ENOX2: variants seen among roughly 807,000 people sequenced by gnomAD.
ENOX2 encodes APK1 antigen.
In ENOX2, 36 loss-of-function variants were observed where a neutral mutation model predicts 45.0. The observed-to-expected ratio is 0.80, with a 90% confidence interval of 0.61 to 1.06. ENOX2 has a LOEUF of 1.06. Ranked by LOEUF, ENOX2 falls within the 50% of genes least tolerant of loss-of-function variation. The probability of loss-of-function intolerance (pLI) is 0.00; values close to 1 mark genes in which losing one functional copy is unlikely to be tolerated. For synonymous variants in ENOX2, 174 were observed against 152.3 expected (o/e 1.14, Z -1.05); for missense variants, 423 against 462.5 (o/e 0.91, Z 0.78).
intron 9 of ENOX2, among the ~76,000 whole-genome samples, chrX:130,662,103 A>C (rs1348705251): frequency 8.9e-6 from 1 of 111,940 alleles, no homozygotes; most frequent in Non-Finnish European, 1.9e-5. Flanking sequence ...ACTGCCAGTA[A>C]AGTCACTATA....
intron 6 of ENOX2, 34 bp from the exon 7 acceptor site, chrX:130,670,232 G>C (rs1167421605): frequency 9.9e-7 from 1 of 1,011,034 alleles, no homozygotes; most frequent in Non-Finnish European, 1.4e-6. Context: ...GGAGAGGAGA[G>C]AGGGAGAGAA....
intron 3 of ENOX2, among the ~76,000 whole-genome samples, chrX:130,752,232 T>C (rs1436886146): frequency 1.8e-5 from 2 of 109,342 alleles, no homozygotes; most frequent in South Asian, 4.1e-4. Flanking sequence ...TTTCCCTGCA[T>C]GTGACTCCCT....
intron 3 of ENOX2, among the ~76,000 whole-genome samples, chrX:130,711,849 C>T (rs746545790): frequency 1.2e-4 from 13 of 111,794 alleles, no homozygotes; most frequent in African/African-American, 3.2e-4. Context: ...CAATTTAAAG[C>T]CACAGAGCCA....
intron 2 of ENOX2, among the ~76,000 whole-genome samples, chrX:130,862,228 T>C (rs746852516): frequency 9.0e-6 from 1 of 111,320 alleles, no homozygotes; most frequent in African/African-American, 3.3e-5. Flanking sequence ...TTCACTCTGC[T>C]CTAGTCACAC....
chrX:130,687,023 T>C (rs894623983), intron 5 of ENOX2, among the ~76,000 whole-genome samples: 2 of 111,590 alleles, frequency 1.8e-5, no homozygotes, highest in African/African-American at 6.5e-5. Context: ...CTCAGAACTG[T>C]AGAGGCATGG....
intron 6 of ENOX2, among the ~76,000 whole-genome samples, chrX:130,675,550 T>C (rs1053222225): frequency 5.3e-5 from 6 of 112,346 alleles, no homozygotes; most frequent in Non-Finnish European, 7.5e-5. Context: ...GGAACAGACC[T>C]GCTCTACAAA....
At chrX:130,822,556 T>A (rs1461043862) in intron 2 of ENOX2, among the ~76,000 whole-genome samples, 1 of 109,437 alleles carries the variant, frequency 9.1e-6, no homozygotes, top group Non-Finnish European at 1.9e-5. Flanking sequence ...ATGTTCTCAC[T>A]CCTAGGTGGG....
chrX:130,726,588 G>A (rs144535925), intron 3 of ENOX2, among the ~76,000 whole-genome samples: 1,557 of 112,493 alleles, frequency 0.014, 7 homozygotes, highest in East Asian at 0.043. Context: ...TCCGATAAAG[G>A]AGGAATTTGG....
intron 9 of ENOX2, among the ~76,000 whole-genome samples, chrX:130,658,078 C>A (rs988699484): frequency 9.0e-6 from 1 of 111,501 alleles, no homozygotes; most frequent in African/African-American, 3.3e-5. Flanking sequence ...ATAAAAAGAA[C>A]CAAGCATTCT....
At chrX:130,697,209 C>T (rs778656452) in intron 4 of ENOX2, among the ~76,000 whole-genome samples, 13 of 111,120 alleles carry the variant, frequency 1.2e-4, no homozygotes, top group Non-Finnish European at 2.1e-4. Flanking sequence ...TCCTGACATA[C>T]TCCTATATAT....
intron 12 of ENOX2, 47 bp downstream of exon 12, chrX:130,634,937 A>G (rs375328441): frequency 4.4e-6 from 3 of 677,998 alleles, no homozygotes; most frequent in Non-Finnish European, 4.5e-6. Context: ...TGTCACTGAA[A>G]AGTAGGTAAA....
At chrX:130,729,661 A>T (rs932477678) in intron 3 of ENOX2, among the ~76,000 whole-genome samples, 1 of 112,156 alleles carries the variant, frequency 8.9e-6, no homozygotes, top group Non-Finnish European at 1.9e-5. Flanking sequence ...GCTCCCTATC[A>T]TAATACAAAT....
chrX:130,694,355 C>G (rs955475398), intron 4 of ENOX2, among the ~76,000 whole-genome samples: 2 of 111,294 alleles, frequency 1.8e-5, no homozygotes, highest in Non-Finnish European at 3.8e-5. Flanking sequence ...CTGCAGGGCA[C>G]AGAGCCACTG....
At chrX:130,821,014 T>G (rs2077586718) in intron 2 of ENOX2, among the ~76,000 whole-genome samples, 1 of 112,539 alleles carries the variant, frequency 8.9e-6, no homozygotes, top group Admixed American at 9.4e-5. Context: ...TTAGCTCAAT[T>G]TAGTTATTCC....
chrX:130,632,967 T>C (rs764860454), intron 12 of ENOX2, among the ~76,000 whole-genome samples: 93 of 112,369 alleles, frequency 8.3e-4, no homozygotes, highest in African/African-American at 2.8e-3. Flanking sequence ...TGTGAGAGTT[T>C]AACAGATTGG....
intron 2 of ENOX2, among the ~76,000 whole-genome samples, chrX:130,849,534 T>C (rs1236394509): frequency 8.9e-6 from 1 of 112,529 alleles, no homozygotes; most frequent in Non-Finnish European, 1.9e-5. Flanking sequence ...TATTGAATTA[T>C]GTCCAAGAAG....
chrX:130,857,159 A>C (rs2078322973), intron 2 of ENOX2, among the ~76,000 whole-genome samples: 1 of 112,308 alleles, frequency 8.9e-6, no homozygotes, highest in Admixed American at 9.4e-5. Context: ...ACGCTCAACA[A>C]CATGGGTTAA....
intron 3 of ENOX2, among the ~76,000 whole-genome samples, chrX:130,744,947 T>C (rs1258554012): frequency 1.8e-5 from 2 of 111,365 alleles, no homozygotes; most frequent in East Asian, 5.7e-4. Flanking sequence ...GAATTGTGCA[T>C]GTGAAGGATC....
intron 13 of ENOX2, 35 bp downstream of exon 13, chrX:130,631,433 C>T: frequency 1.3e-6 from 1 of 774,696 alleles, no homozygotes; most frequent in Non-Finnish European, 2.0e-6. Context: ...TGTACCCAGG[C>T]ATTGTACGTG....
Sources: allele counts gnomAD v4.1 joint callset (sites outside exome capture counted in the v4.1 genomes callset), GRCh38; gene constraint gnomAD v4.1.1; transcripts MANE v1.5; gene names NCBI Gene and HGNC (gene_info 2026-07-23, HGNC 2026-07-21).